ADAMTS3: variants seen among roughly 807,000 people sequenced by gnomAD.
The protein encoded by ADAMTS3 is ADAM metallopeptidase with thrombospondin type 1 motif 3.
Under a neutral mutation model 129.0 loss-of-function variants are expected in ADAMTS3, and 73 were observed. That is an observed-to-expected ratio of 0.57 (90% confidence interval 0.47 to 0.69). The LOEUF is 0.69. Among genes scored for constraint, ADAMTS3 ranks in the 30% least tolerant of loss-of-function variants. The probability of loss-of-function intolerance (pLI) is 0.00; values close to 1 mark genes in which losing one functional copy is unlikely to be tolerated. For synonymous variants in ADAMTS3, 477 were observed against 510.8 expected (o/e 0.93, Z 0.89); for missense variants, 1,457 against 1,514.5 (o/e 0.96, Z 0.63).
intron 3 of ADAMTS3, among the ~76,000 whole-genome samples, chr4:72,483,132 A>G (rs1375631276): frequency 6.6e-6 from 1 of 152,080 alleles, no homozygotes; most frequent in Non-Finnish European, 1.5e-5. Context: ...TCAACATTTC[A>G]TTTCTAGAGA....
chr4:72,471,722 C>T (rs550228794), intron 3 of ADAMTS3, among the ~76,000 whole-genome samples: 1 of 151,986 alleles, frequency 6.6e-6, no homozygotes, highest in East Asian at 1.9e-4. Flanking sequence ...GAAAATATAG[C>T]TACTTTTAGA....
chr4:72,566,983 C>A (rs1333344246), intron 2 of ADAMTS3, among the ~76,000 whole-genome samples: 1 of 152,204 alleles, frequency 6.6e-6, no homozygotes, highest in Non-Finnish European at 1.5e-5. Context: ...TCATTGTTCT[C>A]TTCTATGTAG....
chr4:72,542,100 A>C (rs1721346484), intron 3 of ADAMTS3, among the ~76,000 whole-genome samples: 1 of 152,208 alleles, frequency 6.6e-6, no homozygotes, highest in Non-Finnish European at 1.5e-5. Flanking sequence ...AAACTAATAC[A>C]TGTAAAATAC....
intron 4 of ADAMTS3, among the ~76,000 whole-genome samples, chr4:72,351,660 C>G (rs1222682232): frequency 1.3e-5 from 2 of 150,442 alleles, no homozygotes; most frequent in Non-Finnish European, 3.0e-5. Context: ...CGGGAAGAAA[C>G]TGTCTTCCAA....
At chr4:72,424,679 T>C (rs1345507138) in intron 3 of ADAMTS3, among the ~76,000 whole-genome samples, 1 of 122,200 alleles carries the variant, frequency 8.2e-6, no homozygotes, top group African/African-American at 3.0e-5. Flanking sequence ...ACCCTGTTTG[T>C]TACATGAGAG....
chr4:72,369,188 C>G (rs1720943221), intron 4 of ADAMTS3, among the ~76,000 whole-genome samples: 1 of 152,164 alleles, frequency 6.6e-6, no homozygotes, highest in African/African-American at 2.4e-5. Context: ...TCATAAAAAC[C>G]TTATGAAAAG....
intron 3 of ADAMTS3, among the ~76,000 whole-genome samples, chr4:72,458,332 C>A (rs1356681325): frequency 6.6e-6 from 1 of 150,882 alleles, no homozygotes; most frequent in Non-Finnish European, 1.5e-5. Flanking sequence ...ATTTATGCAA[C>A]TAAAGAATAA....
At chr4:72,455,564 T>C (rs1718527403) in intron 3 of ADAMTS3, among the ~76,000 whole-genome samples, 2 of 149,202 alleles carry the variant, frequency 1.3e-5, no homozygotes, top group African/African-American at 4.9e-5. Flanking sequence ...ATGGTACGTG[T>C]ATAGCTATGC....
intron 3 of ADAMTS3, among the ~76,000 whole-genome samples, chr4:72,531,494 G>A (rs1176429153): frequency 1.3e-5 from 2 of 152,130 alleles, no homozygotes; most frequent in Admixed American, 1.3e-4. Flanking sequence ...AATCAGATGA[G>A]GTCTCTAGGT....
At chr4:72,497,189 T>C (rs1359231779) in intron 3 of ADAMTS3, among the ~76,000 whole-genome samples, 1 of 152,068 alleles carries the variant, frequency 6.6e-6, no homozygotes, top group Non-Finnish European at 1.5e-5. Flanking sequence ...AAGTATTTTA[T>C]CTTAAGAACA....
At chr4:72,309,595 C>A (rs1719177632) in intron 14 of ADAMTS3, 75 bp from the exon 15 acceptor site, 5 of 1,544,196 alleles carry the variant, frequency 3.2e-6, no homozygotes, top group Non-Finnish European at 4.4e-6. Flanking sequence ...GAATGATGAA[C>A]CCTTTGTTCA....
intron 17 of ADAMTS3, among the ~76,000 whole-genome samples, chr4:72,303,097 A>AT (rs1256359286): frequency 6.6e-6 from 1 of 152,168 alleles, no homozygotes; most frequent in African/African-American, 2.4e-5. Context: ...CCTTCTGGCT[A>AT]TAAGGACCTC....
At chr4:72,327,468 T>C (rs1016618760) in intron 5 of ADAMTS3, among the ~76,000 whole-genome samples, 2 of 152,222 alleles carry the variant, frequency 1.3e-5, no homozygotes, top group Admixed American at 1.3e-4. Context: ...CCTATATTGA[T>C]TCAACTAATC....
chr4:72,406,190 A>G (rs1270890874), intron 4 of ADAMTS3, among the ~76,000 whole-genome samples: 1 of 152,150 alleles, frequency 6.6e-6, no homozygotes, highest in African/African-American at 2.4e-5. Flanking sequence ...GGTTTGCTGT[A>G]CTAATGACAG....
intron 3 of ADAMTS3, among the ~76,000 whole-genome samples, chr4:72,464,171 T>C (rs747161576): frequency 1.3e-5 from 2 of 152,006 alleles, no homozygotes; most frequent in Non-Finnish European, 2.9e-5. Flanking sequence ...TGCTCACTTT[T>C]TAAATCCCCA....
intron 3 of ADAMTS3, among the ~76,000 whole-genome samples, chr4:72,498,447 T>C (rs1016247906): frequency 7.2e-5 from 11 of 152,112 alleles, no homozygotes; most frequent in Admixed American, 6.6e-4. Flanking sequence ...AAAAAAAGAA[T>C]TTGTTTTCAG....
intron 3 of ADAMTS3, among the ~76,000 whole-genome samples, chr4:72,442,849 A>G (rs1177295894): frequency 6.6e-6 from 1 of 151,774 alleles, no homozygotes; most frequent in Non-Finnish European, 1.5e-5. Context: ...CTGGGAAGTT[A>G]CTTGTCTTTC....
In ADAMTS3 at chr4:72,305,986, C is replaced by T. The variant is rs187956094; in HGVS notation, c.2260+1G>A. On this transcript the variant is annotated splice_donor_variant, in intron 16 of 21. Coordinates refer to ENST00000286657, the MANE Select transcript of ADAMTS3 (RefSeq NM_014243.3). LOFTEE classifies it high-confidence loss of function. ...CAGAGACAGCAGACAGAAACACTTA[C>T]CAAGAATATGAGGAGAAGCCTCGTC... is the stretch of plus-strand genomic sequence containing the variant. The T allele has an allele frequency of 2.5e-5, 40 of 1,609,344 alleles. No individual in the cohort carries two copies. Among genetic ancestry groups the T allele is most frequent in the Admixed American group, 2.0e-4 (12 of 59,066 alleles).
chr4:72,319,834 T>C (rs1487014044), intron 8 of ADAMTS3, 24 bp downstream of exon 8: 7 of 1,568,448 alleles, frequency 4.5e-6, no homozygotes, highest in East Asian at 2.2e-5. Flanking sequence ...TTTTTTGGCT[T>C]TATAGCTGTC....
Sources: allele counts gnomAD v4.1 joint callset (sites outside exome capture counted in the v4.1 genomes callset), GRCh38; gene constraint gnomAD v4.1.1; transcripts MANE v1.5; gene names NCBI Gene and HGNC (gene_info 2026-07-23, HGNC 2026-07-21).